Variants in ELP3 observed in about 807,000 individuals in gnomAD.
ELP3 encodes the protein elongator acetyltransferase complex subunit 3.
A neutral mutation model predicts 74.9 loss-of-function variants in ELP3; 56 were observed. The observed-to-expected ratio is 0.75, with a 90% CI of 0.60 to 0.93. The LOEUF (loss-of-function observed/expected upper bound fraction) is 0.93, where lower values mean the gene tolerates loss of function less well. Ranked by LOEUF, ELP3 falls within the 40% of genes least tolerant of loss-of-function variation. The pLI, the probability that ELP3 is intolerant of heterozygous loss-of-function variation, is 0.00. For missense variants in ELP3, 573 were observed against 686.5 expected (o/e 0.83, Z 1.85); for synonymous variants, 222 against 239.8 (o/e 0.93, Z 0.68).
chr8:28,141,875 A>G (rs1813251176), intron 10 of ELP3, among the ~76,000 whole-genome samples: 1 of 152,234 alleles, frequency 6.6e-6, no homozygotes, highest in Non-Finnish European at 1.5e-5. Context: ...GCATGGCAAC[A>G]GATAGCACAA....
intron 5 of ELP3, among the ~76,000 whole-genome samples, 188 bp downstream of exon 5, chr8:28,108,164 G>C (rs1201424069): frequency 6.6e-6 from 1 of 152,196 alleles, no homozygotes; most frequent in East Asian, 1.9e-4. Context: ...AGCCACTAGA[G>C]AAATACTTAC....
intron 3 of ELP3, among the ~76,000 whole-genome samples, chr8:28,102,545 C>A (rs965585739): frequency 6.6e-6 from 1 of 152,200 alleles, no homozygotes; most frequent in Admixed American, 6.5e-5. Context: ...TCCCTATCTA[C>A]TGCCATTCTC....
At chr8:28,107,253 A>T (rs1384515780) in intron 4 of ELP3, among the ~76,000 whole-genome samples, 1 of 152,248 alleles carries the variant, frequency 6.6e-6, no homozygotes, top group Non-Finnish European at 1.5e-5. Flanking sequence ...ATATCAAAAT[A>T]AATAAATAAA....
chr8:28,110,246 A>G, intron 5 of ELP3, 124 bp from the exon 6 acceptor site: 1 of 809,994 alleles, frequency 1.2e-6, no homozygotes, highest in Non-Finnish European at 2.0e-6. Context: ...AGAAAAATTA[A>G]TGCGGGTACA....
At chr8:28,140,463 TTCA>T (rs1271654617) in intron 10 of ELP3, among the ~76,000 whole-genome samples, 1 of 152,198 alleles carries the variant, frequency 6.6e-6, no homozygotes, top group African/African-American at 2.4e-5. Context: ...GCAGTCAGTC[TTCA>T]TCATTCTCAG....
intron 9 of ELP3, among the ~76,000 whole-genome samples, chr8:28,135,608 G>A (rs543376483): frequency 2.0e-5 from 3 of 152,270 alleles, no homozygotes; most frequent in Admixed American, 2.0e-4. Flanking sequence ...AGTTTCTCCA[G>A]GGACTAAATG....
At position 28,190,575 on chromosome 8, in the gene ELP3, T is replaced by C. The variant is rs1815423210; in HGVS notation, c.*850T>C. 1 of 150,216 alleles carries C rather than the reference T, an allele frequency of 6.7e-6. No individual in the cohort carries two copies. Among genetic ancestry groups the C allele is most frequent in the South Asian group, 2.1e-4 (1 of 4,718 alleles). 9.3% of individuals were successfully genotyped at this position (150,216 alleles called of 1,614,324 possible). A position where few individuals can be genotyped will look rare whatever the true frequency, so the allele number is the denominator to read the frequency against. ...TTCCACAGAAGCCATTACTTGCAAT[T>C]TTTTTTTTTTTTCTGAGAAAGTCTC... On this transcript the variant is annotated 3_prime_UTR_variant, in exon 15 of 15. Coordinates refer to ENST00000256398, the MANE Select transcript of ELP3 (RefSeq NM_018091.6).
chr8:28,115,841 C>G (rs1585657966), intron 7 of ELP3, among the ~76,000 whole-genome samples: 1 of 152,236 alleles, frequency 6.6e-6, no homozygotes, highest in East Asian at 1.9e-4. Flanking sequence ...GGAATATGGC[C>G]TGTTTTTCCT....
At chr8:28,134,524 T>G (rs1812906307) in intron 9 of ELP3, among the ~76,000 whole-genome samples, 1 of 152,200 alleles carries the variant, frequency 6.6e-6, no homozygotes, top group African/African-American at 2.4e-5. Context: ...CTCTACAAAT[T>G]AAATTGTTTT....
chr8:28,094,683 A>AG (rs1285610094), intron 1 of ELP3, among the ~76,000 whole-genome samples: 1 of 152,050 alleles, frequency 6.6e-6, no homozygotes, highest in African/African-American at 2.4e-5. Flanking sequence ...TGGAGGTTGC[A>AG]GTGAGCCGAG....
intron 14 of ELP3, among the ~76,000 whole-genome samples, chr8:28,168,111 G>GT (rs1814379630): frequency 6.6e-6 from 1 of 152,188 alleles, no homozygotes; most frequent in Non-Finnish European, 1.5e-5. Context: ...GGTGAATCAG[G>GT]TACCAGTTTG....
Position 28,103,649 on chromosome 8 carries a change from G to C in ELP3, c.259-3064G>C, listed in dbSNP as rs143341888. Among the ~76,000 whole-genome samples the C allele has an allele frequency of 8.1e-3, 1,232 of 152,344 alleles. 10 individuals carry two copies. The highest frequency in any genetic ancestry group is 0.014 in the Non-Finnish European group (928 of 68,032). ...TCTTCCAGCATGGCTGCACCATTTT[G>C]CATTCCCACCAGCAGTGAGTGAGCA... On this transcript the variant is annotated intron_variant, in intron 3 of 14. Coordinates refer to ENST00000256398, the MANE Select transcript of ELP3 (RefSeq NM_018091.6).
chr8:28,113,756 A>C (rs1256956711), intron 7 of ELP3: 1 of 152,202 alleles, frequency 6.6e-6, no homozygotes, highest in East Asian at 1.9e-4. Flanking sequence ...ATCACACGGC[A>C]AAAGACAAGA....
chr8:28,176,341 T>C (rs1814752018), intron 14 of ELP3, among the ~76,000 whole-genome samples: 1 of 152,234 alleles, frequency 6.6e-6, no homozygotes, highest in Non-Finnish European at 1.5e-5. Flanking sequence ...GACAAGTGTC[T>C]GCACTGGTCC....
At chr8:28,145,049 T>A (rs1302150155) in intron 10 of ELP3, among the ~76,000 whole-genome samples, 1 of 151,728 alleles carries the variant, frequency 6.6e-6, no homozygotes, top group African/African-American at 2.4e-5. Flanking sequence ...CAAAAAAAAA[T>A]AAAATAAAAA....
At position 28,129,669 on chromosome 8, in the gene ELP3, A is replaced by G. The variant is rs768850648; in HGVS notation, c.779+6A>G. On this transcript the variant is annotated splice_donor_region_variant and intron_variant, in intron 8 of 14. Coordinates refer to ENST00000256398, the MANE Select transcript of ELP3 (RefSeq NM_018091.6). ...GTGGCTAGAGACACCAACAGGTAAG[A>G]TGGTGGCAGGTGATCTTGCACAAGT... 4 of 1,613,824 alleles carry G rather than the reference A, an allele frequency of 2.5e-6. No homozygotes were observed. The highest frequency in any genetic ancestry group is 3.4e-6 in the Non-Finnish European group (4 of 1,179,724).
chr8:28,156,058 C>T (rs1342812321), intron 11 of ELP3, 26 bp downstream of exon 11: 3 of 1,584,772 alleles, frequency 1.9e-6, no homozygotes, highest in African/African-American at 2.7e-5. Flanking sequence ...GCGGTCAGGC[C>T]ACAACTGTTG....
chr8:28,178,908 T>C (rs1042561234), intron 14 of ELP3, among the ~76,000 whole-genome samples: 1 of 152,252 alleles, frequency 6.6e-6, no homozygotes, highest in Non-Finnish European at 1.5e-5. Context: ...CTTTCTGAAG[T>C]TGCTGTGTGC....
At chr8:28,143,771 A>C (rs967254625) in intron 10 of ELP3, among the ~76,000 whole-genome samples, 2 of 152,216 alleles carry the variant, frequency 1.3e-5, no homozygotes, top group African/African-American at 4.8e-5. Flanking sequence ...CTCTTAGAGT[A>C]GTATAATCTG....
Sources: gnomAD v4.1 joint callset for allele counts (sites outside exome capture counted in the v4.1 genomes callset) on GRCh38, gnomAD v4.1.1 for gene constraint, MANE v1.5 for transcripts, NCBI Gene and HGNC (gene_info 2026-07-23, HGNC 2026-07-21) for gene names.